The following TBC1D9B variants were observed in gnomAD, a reference collection of about 807,000 sequenced individuals.
TBC1D9B encodes TBC1 domain family member 9B, also known as TBC1 domain family, member 9B (with GRAM domain).
TBC1D9B carries 87 observed loss-of-function variants against 121.1 expected under a neutral mutation model. That is an observed-to-expected ratio of 0.72 (90% CI 0.60 to 0.86). The LOEUF is 0.86. Ranked by LOEUF, TBC1D9B falls within the 40% of genes least tolerant of loss-of-function variation. TBC1D9B has a pLI of 0.00. For missense variants in TBC1D9B, 1,540 were observed against 1,628.6 expected (o/e 0.95, Z 0.94); for synonymous variants, 668 against 670.1 (o/e 1.00, Z 0.05).
chr5:179,893,370 C>G lies in TBC1D9B; in HGVS notation c.675G>C (p.Glu225Asp). 1.2e-6 allele frequency: 2 copies of G among 1,614,186 alleles called. No homozygotes were observed. The highest frequency in any genetic ancestry group is 2.2e-5 in the South Asian group (2 of 91,080). Residue 225 changes from glutamate (E) to aspartate (D), a missense_variant, in exon 5 of 21, where the codon GAG becomes GAC. Coordinates refer to ENST00000355235, the MANE Select transcript of TBC1D9B (RefSeq NM_015043.4). ...TGTTGAGGAACATGGAGAAGAAGAG[C>G]TCCTGGTCGCGGGTGTCCACACGGA... ...ESIRVDTRDQ[E>D]LFFSMFLNIG... is the part of the protein sequence containing the mutation.
At position 179,907,871 on chromosome 5, in the gene TBC1D9B, C is replaced by T. The variant is rs1319497243; in HGVS notation, c.-50G>A. On this transcript the variant is annotated 5_prime_UTR_variant, in exon 1 of 21. Transcript: ENST00000355235. The surrounding 1 kb of genome is among the most constrained non-coding windows in gnomAD (Gnocchi z 5.3). ...AGGCCCGCGAGACGGAAGCGCCCGC[C>T]GCCGTCGGCGTCCCGGAGCGGAGCG... 1.2e-5 allele frequency: 12 copies of T among 987,388 alleles called. No homozygotes were observed. The highest frequency in any genetic ancestry group is 1.5e-5 in the Non-Finnish European group (12 of 822,456). 61.2% of individuals were successfully genotyped at this position (987,388 alleles called of 1,614,324 possible). A position where few individuals can be genotyped will look rare whatever the true frequency, so the allele number is the denominator to read the frequency against.
intron 2 of TBC1D9B, among the ~76,000 whole-genome samples, chr5:179,901,429 A>G (rs1761164980): frequency 6.6e-6 from 1 of 152,164 alleles, no homozygotes; most frequent in Non-Finnish European, 1.5e-5. Flanking sequence ...ACATTCCTAG[A>G]AAACTAAAAC....
Position 179,888,028 on chromosome 5 carries a change from C to T in TBC1D9B, c.1254+75G>A, listed in dbSNP as rs1760742024. 5.1e-6 allele frequency: 8 copies of T among 1,575,300 alleles called. No individual in the cohort carries two copies. In the Admixed American group the frequency reaches 8.4e-5, roughly 17 times the overall value. On this transcript the variant is annotated intron_variant, in intron 7 of 20. Transcript: ENST00000355235. ...CAGCCGGAACCATGGGGTCAGGCTC[C>T]AGCGGGGAGGCTGATGGATGCCCTG...
intron 3 of TBC1D9B, among the ~76,000 whole-genome samples, chr5:179,897,918 T>C (rs1010375239): frequency 6.6e-6 from 1 of 152,160 alleles, no homozygotes; most frequent in African/African-American, 2.4e-5. Context: ...TATCAGGAAT[T>C]CACATGGGCC....
At chr5:179,887,668 T>G (rs571276640) in intron 7 of TBC1D9B, 89 of 197,586 alleles carry the variant, frequency 4.5e-4, no homozygotes, top group Middle Eastern at 1.9e-3. Flanking sequence ...AATACAATAT[T>G]TGGTGATATT....
chr5:179,879,851 C>A (rs928633612), intron 7 of TBC1D9B, 62 bp from the exon 8 acceptor site: 1 of 1,511,908 alleles, frequency 6.6e-7, no homozygotes, highest in Non-Finnish European at 8.8e-7. Flanking sequence ...GCCTCTGATG[C>A]GCCCATCCAT....
chr5:179,894,670 G>C, intron 3 of TBC1D9B, 56 bp from the exon 4 acceptor site: 1 of 1,586,458 alleles, frequency 6.3e-7, no homozygotes, highest in Non-Finnish European at 8.6e-7. Context: ...ACAGGTCAAA[G>C]GGTGGAGCAG....
intron 7 of TBC1D9B, among the ~76,000 whole-genome samples, chr5:179,884,207 C>T (rs1289706030): frequency 2.0e-5 from 3 of 152,194 alleles, no homozygotes; most frequent in Non-Finnish European, 4.4e-5. Flanking sequence ...TAAACTGGAG[C>T]CTGAGAAATC....
intron 10 of TBC1D9B, among the ~76,000 whole-genome samples, chr5:179,876,885 A>G (rs778095223): frequency 2.0e-5 from 3 of 152,014 alleles, no homozygotes; most frequent in African/African-American, 7.2e-5. Context: ...AGCCTGGGCC[A>G]CACAGTGAGA....
chr5:179,867,644 C>A, intron 18 of TBC1D9B, 134 bp downstream of exon 18: 2 of 1,494,184 alleles, frequency 1.3e-6, no homozygotes, highest in South Asian at 1.2e-5. Flanking sequence ...GCCCGTGGTC[C>A]CCTGGGGAGA....
rs764371319 is a variant in TBC1D9B, at chr5:179,872,883, C to CA, written c.2415+8dup. On this transcript the variant is annotated intron_variant, in intron 14 of 20. Transcript: ENST00000355235. ...CCCAGCCCCTGCCCAGCCCTGCTGG[C>CA]ACCCATACCACACTCCTCTTGGCCG... 5 of 1,391,536 alleles carry CA rather than the reference C, an allele frequency of 3.6e-6. No individual in the cohort carries two copies. Among genetic ancestry groups the CA allele is most frequent in the Non-Finnish European group, 4.9e-6 (5 of 1,025,668 alleles). 86.2% of individuals were successfully genotyped at this position (1,391,536 alleles called of 1,614,324 possible).
In TBC1D9B at chr5:179,872,970, G is replaced by A. The variant is rs546951690; in HGVS notation, c.2337C>T (p.Ala779=). 22 of 1,613,884 alleles carry A rather than the reference G, an allele frequency of 1.4e-5. No homozygotes were observed. The highest frequency in any genetic ancestry group is 1.0e-4 in the Admixed American group (6 of 59,988). ...VSYEKFSSLR[A]EDIEQMRFKQ... ...TAAACCGCATCTGCTCAATGTCTTC[G>A]GCCCTCAGGCTGCTGAATTTCTATA... The change falls in exon 14 of 21, where the codon GCC becomes GCT. Residue 779 remains alanine (A), a synonymous_variant. Coordinates refer to ENST00000355235, the MANE Select transcript of TBC1D9B (RefSeq NM_015043.4).
At chr5:179,897,635 A>G (rs1761057689) in intron 3 of TBC1D9B, among the ~76,000 whole-genome samples, 1 of 152,110 alleles carries the variant, frequency 6.6e-6, no homozygotes, top group African/African-American at 2.4e-5. Flanking sequence ...TCAATTCTAA[A>G]TATTTTCTAA....
intron 15 of TBC1D9B, 102 bp from the exon 16 acceptor site, chr5:179,870,597 G>C: frequency 1.4e-6 from 2 of 1,458,710 alleles, no homozygotes; most frequent in Non-Finnish European, 1.8e-6. Flanking sequence ...GTCCAAGCCT[G>C]CGGAGCCCTG....
chr5:179,892,436 G>A (rs1426180915), intron 5 of TBC1D9B, among the ~76,000 whole-genome samples: 2 of 152,268 alleles, frequency 1.3e-5, no homozygotes, highest in African/African-American at 2.4e-5. Flanking sequence ...ACACAAGGGT[G>A]TGAATCTGGC....
Position 179,875,954 on chromosome 5 carries a change from G to A in TBC1D9B, c.1866C>T (p.Arg622=), listed in dbSNP as rs780364354. 1.2e-6 allele frequency: 2 copies of A among 1,610,768 alleles called. No individual in the cohort carries two copies. The highest frequency in any genetic ancestry group is 2.2e-5 in the East Asian group (1 of 44,732). Residue 622 remains arginine (R), a synonymous_variant, in exon 11 of 21, where the codon CGC becomes CGT. Coordinates refer to ENST00000355235, the MANE Select transcript of TBC1D9B (RefSeq NM_015043.4). The surrounding 1 kb of genome is among the most constrained non-coding windows in gnomAD (Gnocchi z 4.5). ...TGGTGTTGTAGTAGTCGGGCAGCAT[G>A]CGCTCGCACAGGGCCACCAGGAGCC... ...AFWLLVALCE[R]MLPDYYNTRV...
intron 7 of TBC1D9B, among the ~76,000 whole-genome samples, chr5:179,881,517 A>G (rs1474540439): frequency 6.6e-6 from 1 of 152,106 alleles, no homozygotes; most frequent in Non-Finnish European, 1.5e-5. Flanking sequence ...CTGTTCACCT[A>G]TTATGCTCCC....
chr5:179,870,302 T>C lies in TBC1D9B; in HGVS notation c.2678A>G (p.Glu893Gly), dbSNP rs1450886180. Residue 893 changes from glutamate (E) to glycine (G), a missense_variant, in exon 16 of 21, where the codon GAA becomes GGA. Coordinates refer to ENST00000355235, the MANE Select transcript of TBC1D9B (RefSeq NM_015043.4). ...GAAGTTGATCAGCGAGTCCTTGTTT[T>C]CGTCCAGGAGCCTGAACATGCGCCC... ...LAGRMFRLLD[E>G]NKDSLINFKE... The C allele has an allele frequency of 6.2e-7, 1 of 1,613,782 alleles. No individual in the cohort carries two copies. Among genetic ancestry groups the C allele is most frequent in the Non-Finnish European group, 8.5e-7 (1 of 1,180,018 alleles).
Position 179,870,313 on chromosome 5 carries a change from C to G in TBC1D9B, c.2667G>C (p.Arg889Ser). Residue 889 changes from arginine (R) to serine (S), a missense_variant, in exon 16 of 21, where the codon AGG (arginine) becomes AGC (serine). Transcript: ENST00000355235. ...HTPLLAGRMF[R>S]LLDENKDSLI... Reference sequence around the variant, plus strand: ...GCGAGTCCTTGTTTTCGTCCAGGAGCCTGAACATGCGCCCTGCCAGCAGAG... The same window carrying G: ...GCGAGTCCTTGTTTTCGTCCAGGAGGCTGAACATGCGCCCTGCCAGCAGAG... The G allele has an allele frequency of 6.2e-7, 1 of 1,613,900 alleles. No individual in the cohort carries two copies. The highest frequency in any genetic ancestry group is 8.5e-7 in the Non-Finnish European group (1 of 1,180,022).
Sources: allele counts gnomAD v4.1 joint callset (sites outside exome capture counted in the v4.1 genomes callset), GRCh38; gene constraint gnomAD v4.1.1; non-coding constraint Gnocchi (gnomAD v3.1); transcripts MANE v1.5; gene names NCBI Gene and HGNC (gene_info 2026-07-23, HGNC 2026-07-21).